WNT3: variants seen among roughly 807,000 people sequenced by gnomAD.
The protein encoded by WNT3 is proto-oncogene Wnt-3.
Under a neutral mutation model 34.2 loss-of-function variants are expected in WNT3, and 7 were observed. The ratio of observed to expected loss-of-function variants is 0.20; its 90% CI spans 0.12 to 0.38. The LOEUF (loss-of-function observed/expected upper bound fraction) is 0.38. Among genes scored for constraint, WNT3 ranks in the 10% least tolerant of loss-of-function variants. The pLI is 1.00. For missense variants in WNT3, 267 were observed against 499.8 expected, an observed-to-expected ratio of 0.53 and a Z score of 4.44; for synonymous variants, 212 against 211.5, an observed-to-expected ratio of 1.00 and a Z score of -0.02.
Position 46,816,127 on chromosome 17 carries a change from A to ACG in WNT3, c.80+2390_80+2391insCG. ...CGCGCGCACGTACACACACACACACACACTCACACACACGCACGCACGCAC... is the reference window on the plus strand; with the variant it reads ...CGCGCGCACGTACACACACACACACACGCACTCACACACACGCACGCACGCAC... On this transcript the variant is annotated intron_variant, in intron 1 of 4. Coordinates refer to ENST00000225512, the MANE Select transcript of WNT3 (RefSeq NM_030753.5). Among the ~76,000 whole-genome samples the ACG allele has an allele frequency of 1.2e-4, 15 of 128,446 alleles. No homozygotes were observed. The East Asian group carries it at 1.3e-3, about 11-fold the overall frequency. 84.3% of individuals were successfully genotyped at this position (128,446 alleles called of 152,430 possible).
Position 46,818,601 on chromosome 17 carries a change from A to G in WNT3, c.-4T>C. 6.3e-7 allele frequency: 1 copy of G among 1,594,272 alleles called. No individual in the cohort carries two copies. The highest frequency in any genetic ancestry group is 8.5e-7 in the Non-Finnish European group (1 of 1,170,808). ...GCCCGAGCAGGTGGGGCTCCATTAGAAGAGGCGCCGAGGAGGAAGTTTGCC... is the reference window on the plus strand; with the variant it reads ...GCCCGAGCAGGTGGGGCTCCATTAGGAGAGGCGCCGAGGAGGAAGTTTGCC... On this transcript the variant is annotated 5_prime_UTR_variant, in exon 1 of 5. Coordinates refer to ENST00000225512, the MANE Select transcript of WNT3 (RefSeq NM_030753.5).
At chr17:46,813,046 G>A (rs1007430067) in intron 1 of WNT3, among the ~76,000 whole-genome samples, 2 of 152,154 alleles carry the variant, frequency 1.3e-5, no homozygotes, top group African/African-American at 2.4e-5. Flanking sequence ...AAGAGTGGGA[G>A]TGTTTGGGGC....
intron 2 of WNT3, 46 bp downstream of exon 2, chr17:46,773,622 C>G (rs771896222): frequency 4.5e-5 from 23 of 506,094 alleles, no homozygotes; most frequent in African/African-American, 4.3e-4. Context: ...GTCCTGATCC[C>G]TCCCCCCACC....
chr17:46,768,222 G>C lies in WNT3; in HGVS notation c.*8+90C>G, dbSNP rs921570382. On this transcript the variant is annotated intron_variant, in intron 4 of 4. Coordinates refer to ENST00000225512, the MANE Select transcript of WNT3 (RefSeq NM_030753.5). The surrounding 1 kb of genome is among the most constrained non-coding windows in gnomAD (Gnocchi z 5.0). ...GTGTGTCTTGGATAGCTTAGAAACA[G>C]AAGGGGGTCGTCAAGAAGACGAGAT... The C allele has an allele frequency of 2.9e-5, 46 of 1,569,812 alleles. 1 individual carries two copies. The Middle Eastern group carries it at 9.0e-4, about 31-fold the overall frequency.
At chr17:46,780,046 C>T (rs2059447242) in intron 1 of WNT3, among the ~76,000 whole-genome samples, 1 of 152,204 alleles carries the variant, frequency 6.6e-6, no homozygotes, top group African/African-American at 2.4e-5. Flanking sequence ...CGTAAGCCAC[C>T]ATGCCTGGCC....
intron 1 of WNT3, among the ~76,000 whole-genome samples, chr17:46,786,162 C>T (rs528203822): frequency 7.0e-6 from 1 of 142,174 alleles, no homozygotes; most frequent in African/African-American, 2.6e-5. Flanking sequence ...AAATTGTGGT[C>T]CGGGGCATGG....
intron 1 of WNT3, among the ~76,000 whole-genome samples, chr17:46,790,769 G>A (rs2083974586): frequency 6.6e-6 from 1 of 152,214 alleles, no homozygotes; most frequent in Non-Finnish European, 1.5e-5. Context: ...TGAAGAAGAA[G>A]CATTTGGGCA....
intron 1 of WNT3, among the ~76,000 whole-genome samples, chr17:46,780,472 G>C (rs1051878384): frequency 6.6e-6 from 1 of 152,228 alleles, no homozygotes; most frequent in African/African-American, 2.4e-5. Context: ...TGCCACACCT[G>C]GTATACGCCC....
chr17:46,782,219 G>T (rs190920658), intron 1 of WNT3, among the ~76,000 whole-genome samples: 1 of 152,334 alleles, frequency 6.6e-6, no homozygotes, highest in Non-Finnish European at 1.5e-5. Context: ...CAGCCTCAAA[G>T]GGAAGGCATC....
intron 1 of WNT3, among the ~76,000 whole-genome samples, chr17:46,804,784 T>A (rs2084171337): frequency 6.6e-6 from 1 of 152,194 alleles, no homozygotes; most frequent in African/African-American, 2.4e-5. Context: ...ATCAGTGCTC[T>A]GTAAGAATGC....
chr17:46,770,279 C>T (rs1261453134), intron 2 of WNT3, among the ~76,000 whole-genome samples: 2 of 152,226 alleles, frequency 1.3e-5, no homozygotes, highest in Non-Finnish European at 2.9e-5. Flanking sequence ...TGCTGATTAG[C>T]TCAGGACCTC....
At chr17:46,772,191 C>A (rs1019666628) in intron 2 of WNT3, among the ~76,000 whole-genome samples, 2 of 152,152 alleles carry the variant, frequency 1.3e-5, no homozygotes, top group Non-Finnish European at 2.9e-5. Context: ...GCGCTCGCGG[C>A]GTCTTCCGGG....
intron 1 of WNT3, among the ~76,000 whole-genome samples, chr17:46,793,274 A>T (rs2084011062): frequency 2.8e-5 from 1 of 36,234 alleles, no homozygotes; most frequent in Non-Finnish European, 5.2e-5. Context: ...ACCCTGTCTA[A>T]AAAAAAAAAA....
At chr17:46,771,740 T>C (rs1290411286) in intron 2 of WNT3, among the ~76,000 whole-genome samples, 17 of 119,532 alleles carry the variant, frequency 1.4e-4, no homozygotes, top group African/African-American at 1.8e-4. Context: ...GAAATCCCCA[T>C]TGAAGCGGCG....
chr17:46,765,410 G>T (rs1312408801), intron 4 of WNT3, among the ~76,000 whole-genome samples: 1 of 152,242 alleles, frequency 6.6e-6, no homozygotes, highest in African/African-American at 2.4e-5. Context: ...TCAATGGTTA[G>T]CCAGAGACAC....
intron 1 of WNT3, among the ~76,000 whole-genome samples, chr17:46,788,008 C>A (rs1049019057): frequency 6.6e-6 from 1 of 151,706 alleles, no homozygotes; most frequent in African/African-American, 2.4e-5. Flanking sequence ...GTGACCCCAC[C>A]TCAGTGCAGG....
chr17:46,767,131 C>T (rs2059320773), intron 4 of WNT3, among the ~76,000 whole-genome samples: 1 of 152,078 alleles, frequency 6.6e-6, no homozygotes, highest in Non-Finnish European at 1.5e-5. Flanking sequence ...CCCGGGGGTC[C>T]AGGACCACTC....
At chr17:46,765,177 TA>T (rs1429703566) in intron 4 of WNT3, among the ~76,000 whole-genome samples, 1 of 152,214 alleles carries the variant, frequency 6.6e-6, no homozygotes, top group Non-Finnish European at 1.5e-5. Context: ...CCAGCTCTTC[TA>T]GGGGGCTGAC....
chr17:46,817,449 C>T (rs1598805232), intron 1 of WNT3, among the ~76,000 whole-genome samples: 1 of 152,160 alleles, frequency 6.6e-6, no homozygotes, highest in East Asian at 1.9e-4. Flanking sequence ...ATGTAGGGGG[C>T]TGGAGACTGG....
Sources: gnomAD v4.1 joint callset for allele counts (sites outside exome capture counted in the v4.1 genomes callset) on GRCh38, gnomAD v4.1.1 for gene constraint, Gnocchi (gnomAD v3.1) non-coding constraint, MANE v1.5 for transcripts, NCBI Gene and HGNC (gene_info 2026-07-23, HGNC 2026-07-21) for gene names.